CDK14: variants seen among roughly 807,000 people sequenced by gnomAD.
CDK14 encodes cyclin dependent kinase 14, also known as cyclin-dependent kinase 14.
Under a neutral mutation model 60.7 loss-of-function variants are expected in CDK14, and 34 were observed. The observed-to-expected ratio is 0.56, with a 90% CI of 0.43 to 0.75. CDK14 has a LOEUF of 0.75. Ranked by LOEUF, CDK14 falls within the 30% of genes least tolerant of loss-of-function variation. The pLI is 0.00. For synonymous variants in CDK14, 197 were observed against 203.7 expected, an observed-to-expected ratio of 0.97 and a Z score of 0.28; for missense variants, 482 against 564.1, an observed-to-expected ratio of 0.85 and a Z score of 1.47.
chr7:91,030,583 T>A lies in CDK14; in HGVS notation c.1042-15314T>A, dbSNP rs1172292555. ...ATGCCCCATCCTAAGTGCAAGTAGG[T>A]GCCCCTGTGAAAGAGGAGGTAAGAC... On this transcript the variant is annotated intron_variant, in intron 10 of 14. Coordinates refer to ENST00000380050, the MANE Select transcript of CDK14 (RefSeq NM_001287135.2). Among the ~76,000 whole-genome samples the A allele has an allele frequency of 4.5e-4, 68 of 151,990 alleles. 1 individual carries two copies. The highest frequency in any genetic ancestry group is 4.4e-3 in the Admixed American group (67 of 15,250).
intron 2 of CDK14, among the ~76,000 whole-genome samples, chr7:90,723,098 T>C (rs1802513651): frequency 6.6e-6 from 1 of 152,220 alleles, no homozygotes; most frequent in Non-Finnish European, 1.5e-5. Context: ...GTAGATGCTC[T>C]CTATCAGTTT....
chr7:90,867,902 G>C (rs1461149637), intron 6 of CDK14, among the ~76,000 whole-genome samples: 1 of 151,958 alleles, frequency 6.6e-6, no homozygotes, highest in Non-Finnish European at 1.5e-5. Context: ...GAGGTGGGCG[G>C]ATTGCTTGAG....
chr7:90,705,798 G>A (rs147968280), intron 2 of CDK14, among the ~76,000 whole-genome samples: 2,375 of 151,822 alleles, frequency 0.016, 21 homozygotes, highest in Middle Eastern at 0.027. Context: ...AAATGAAGCA[G>A]AAGAACACTT....
intron 6 of CDK14, among the ~76,000 whole-genome samples, chr7:90,866,581 A>T (rs1167020134): frequency 6.6e-6 from 1 of 152,166 alleles, no homozygotes; most frequent in Non-Finnish European, 1.5e-5. Context: ...GAAGTTTTCA[A>T]GGGCTTTTTG....
intron 5 of CDK14, among the ~76,000 whole-genome samples, chr7:90,810,855 T>A (rs1272534537): frequency 1.3e-5 from 2 of 151,890 alleles, no homozygotes; most frequent in Non-Finnish European, 2.9e-5. Context: ...ATGAGTGAAC[T>A]CCCATTCACA....
At chr7:90,652,005 C>T (rs1800655653) in intron 2 of CDK14, among the ~76,000 whole-genome samples, 1 of 152,292 alleles carries the variant, frequency 6.6e-6, no homozygotes. Context: ...GCCTCCTTTA[C>T]ACACTTCCCA....
chr7:91,143,324 G>A lies in CDK14; in HGVS notation c.*28+25116G>A, dbSNP rs145549594. ...TGTAGTAAAGACCGTTCACTATAGC[G>A]TCAGAACAAGTACAAGCTACTTTTT... On this transcript the variant is annotated intron_variant, in intron 14 of 14. Transcript: ENST00000380050. 1.7e-3 allele frequency among the ~76,000 whole-genome samples: 264 copies of A among 152,298 alleles called. 2 individuals are homozygous for A. Among genetic ancestry groups the A allele is most frequent in the African/African-American group, 3.9e-3 (164 of 41,572 alleles).
chr7:90,749,682 C>T (rs1170875946), intron 4 of CDK14, among the ~76,000 whole-genome samples: 1 of 152,204 alleles, frequency 6.6e-6, no homozygotes, highest in East Asian at 1.9e-4. Flanking sequence ...GGAGCACTTA[C>T]ACTCCTGGAT....
At chr7:91,041,673 C>T (rs1385481782) in intron 10 of CDK14, among the ~76,000 whole-genome samples, 1 of 152,178 alleles carries the variant, frequency 6.6e-6, no homozygotes, top group Non-Finnish European at 1.5e-5. Context: ...TGAAAAGTGC[C>T]GATGTCAACT....
At chr7:90,840,909 ACAT>A (rs1790267123) in intron 5 of CDK14, among the ~76,000 whole-genome samples, 1 of 12,964 alleles carries the variant, frequency 7.7e-5, no homozygotes, top group African/African-American at 3.2e-4. Context: ...TTTTTCATTG[ACAT>A]TGTGTCTGTT....
At chr7:90,711,872 A>G (rs1007354187) in intron 2 of CDK14, among the ~76,000 whole-genome samples, 8 of 131,760 alleles carry the variant, frequency 6.1e-5, no homozygotes, top group Non-Finnish European at 1.1e-4. Context: ...TATGGAACTT[A>G]TAGTCTACTA....
At position 90,984,146 on chromosome 7, in the gene CDK14, AG is replaced by A; in HGVS notation, c.950del. The A allele has an allele frequency of 6.3e-7, 1 of 1,588,456 alleles. No individual in the cohort carries two copies. The highest frequency in any genetic ancestry group is 8.6e-7 in the Non-Finnish European group (1 of 1,156,758). On this transcript the variant is annotated splice_acceptor_variant, in intron 9 of 14. Transcript: ENST00000380050. LOFTEE classifies it high-confidence loss of function. ...TGTAACGATTCTTTCTTCTCTCTCT[AG>A]GGGAGTAGGTTGCATCTTTGTTGAA... is the stretch of plus-strand genomic sequence containing the variant.
chr7:91,195,105 A>G (rs772718274), intron 14 of CDK14, among the ~76,000 whole-genome samples: 5 of 152,206 alleles, frequency 3.3e-5, no homozygotes, highest in East Asian at 1.9e-4. Flanking sequence ...GAGGAAACCA[A>G]TTGTGTTGAT....
intron 8 of CDK14, 125 bp downstream of exon 8, chr7:90,917,849 G>T: frequency 1.1e-6 from 1 of 904,416 alleles, no homozygotes. Context: ...TTTTTTTTCT[G>T]AAATGAAGGA....
intron 8 of CDK14, among the ~76,000 whole-genome samples, chr7:90,942,495 C>T (rs1265655842): frequency 6.6e-6 from 1 of 152,210 alleles, no homozygotes; most frequent in African/African-American, 2.4e-5. Context: ...AACAGTCCCA[C>T]ATCAGTAATC....
chr7:90,880,642 G>A (rs1287085215), intron 6 of CDK14, among the ~76,000 whole-genome samples: 1 of 152,108 alleles, frequency 6.6e-6, no homozygotes, highest in Non-Finnish European at 1.5e-5. Context: ...ACCATCCAAC[G>A]GGGGTAGTCA....
intron 2 of CDK14, among the ~76,000 whole-genome samples, chr7:90,666,686 C>T (rs781086353): frequency 6.6e-6 from 1 of 152,062 alleles, no homozygotes; most frequent in African/African-American, 2.4e-5. Flanking sequence ...TAAGAAGAGG[C>T]GGTATCTTAG....
At chr7:90,890,135 G>A (rs1792068697) in intron 6 of CDK14, among the ~76,000 whole-genome samples, 1 of 152,236 alleles carries the variant, frequency 6.6e-6, no homozygotes, top group Non-Finnish European at 1.5e-5. Flanking sequence ...TGCTTTGGGA[G>A]GCCAGGGTGG....
chr7:91,095,155 A>C (rs1173042720), intron 12 of CDK14, among the ~76,000 whole-genome samples: 1 of 152,250 alleles, frequency 6.6e-6, no homozygotes, highest in Non-Finnish European at 1.5e-5. Flanking sequence ...AAGACAATAA[A>C]ACAGAGCAAT....
Sources: allele counts gnomAD v4.1 joint callset (sites outside exome capture counted in the v4.1 genomes callset), GRCh38; gene constraint gnomAD v4.1.1; transcripts MANE v1.5; gene names NCBI Gene and HGNC (gene_info 2026-07-23, HGNC 2026-07-21).